Variants in ATP10B observed in about 807,000 individuals in gnomAD.
ATP10B encodes phospholipid-transporting ATPase VB.
ATP10B carries 122 observed loss-of-function variants against 141.2 expected under a neutral mutation model. That is an observed-to-expected ratio of 0.86 (90% CI 0.75 to 1.00). ATP10B has a LOEUF of 1.00. Ranked by LOEUF, ATP10B falls within the 50% of genes least tolerant of loss-of-function variation. The pLI is 0.00. For synonymous variants in ATP10B, 685 were observed against 692.0 expected (o/e 0.99, Z 0.16); for missense variants, 1,876 against 1,825.3 (o/e 1.03, Z -0.51).
intron 7 of ATP10B, among the ~76,000 whole-genome samples, chr5:160,652,426 G>A (rs1760808546): frequency 7.3e-6 from 1 of 136,248 alleles, no homozygotes; most frequent in African/African-American, 2.9e-5. Context: ...AACCTGTCAG[G>A]GTTCTTATTT....
At chr5:160,881,624 A>G in the ATP10B span, among the ~76,000 whole-genome samples, 9 of 152,216 alleles carry the variant, frequency 5.9e-5, no homozygotes, top group African/African-American at 2.2e-4. Context: ...CATCCTGGCT[A>G]ACACGGTGAA....
At chr5:160,638,309 A>T (rs1421961) in intron 10 of ATP10B, among the ~76,000 whole-genome samples, 117,565 of 152,016 alleles carry the variant, frequency 0.77, 46,146 homozygotes, top group Middle Eastern at 0.85. Context: ...CCTGTGCCTT[A>T]TCTTGTCCTG....
intron 16 of ATP10B, 125 bp from the exon 17 acceptor site, chr5:160,616,089 T>A (rs1757981039): frequency 9.8e-7 from 1 of 1,025,424 alleles, no homozygotes; most frequent in Admixed American, 3.4e-5. Flanking sequence ...AGATGGGGCT[T>A]TCTTCTCAAA....
chr5:160,693,708 C>CTGT (rs1420557364), intron 3 of ATP10B, among the ~76,000 whole-genome samples: 1 of 152,148 alleles, frequency 6.6e-6, no homozygotes, highest in African/African-American at 2.4e-5. Context: ...TGGGATGAAA[C>CTGT]TGTTCCACCT....
the ATP10B span, among the ~76,000 whole-genome samples, chr5:160,895,077 C>T: frequency 4.2e-4 from 64 of 152,268 alleles, no homozygotes; most frequent in Non-Finnish European, 6.6e-4. Context: ...AAAGTAACAA[C>T]CGGTACCAGC....
chr5:160,928,370 G>T, the ATP10B span, among the ~76,000 whole-genome samples: 1 of 152,158 alleles, frequency 6.6e-6, no homozygotes, highest in African/African-American at 2.4e-5. Context: ...ATTGAGCATG[G>T]TCACTGGGGA....
At chr5:160,659,661 A>C (rs918331724) in intron 7 of ATP10B, among the ~76,000 whole-genome samples, 1 of 151,916 alleles carries the variant, frequency 6.6e-6, no homozygotes, top group Non-Finnish European at 1.5e-5. Context: ...CAAGTAGAAG[A>C]CTGGAGGAGA....
intron 3 of ATP10B, among the ~76,000 whole-genome samples, chr5:160,703,525 T>C: frequency 6.6e-6 from 1 of 151,838 alleles, no homozygotes; most frequent in East Asian, 1.9e-4. Flanking sequence ...TCACTCAGGC[T>C]GGAGTGCATG....
intron 2 of ATP10B, among the ~76,000 whole-genome samples, chr5:160,767,140 C>T (rs1769508328): frequency 6.6e-6 from 1 of 152,152 alleles, no homozygotes; most frequent in African/African-American, 2.4e-5. Flanking sequence ...AAAAAAAATC[C>T]CATAGTGTTT....
Position 160,565,366 on chromosome 5 carries a change from T to G in ATP10B, c.*87A>C. The G allele has an allele frequency of 7.6e-7, 1 of 1,322,964 alleles. No homozygotes were observed. The highest frequency in any genetic ancestry group is 1.1e-6 in the Non-Finnish European group (1 of 943,950). 82.0% of individuals were successfully genotyped at this position (1,322,964 alleles called of 1,614,324 possible). A position where few individuals can be genotyped will look rare whatever the true frequency, so the allele number is the denominator to read the frequency against. On this transcript the variant is annotated 3_prime_UTR_variant, in exon 26 of 26. Coordinates refer to ENST00000327245, the MANE Select transcript of ATP10B (RefSeq NM_025153.3). ...GAAAAGAATAAGACTGGCACATTGT[T>G]TCCTCTATGAAGAAGAAGGGGTCAA...
chr5:160,717,251 A>G (rs1447727834), intron 2 of ATP10B, among the ~76,000 whole-genome samples: 2 of 152,250 alleles, frequency 1.3e-5, no homozygotes, highest in Non-Finnish European at 2.9e-5. Flanking sequence ...GGAGGAGAAT[A>G]CACAATAAAC....
the ATP10B span, among the ~76,000 whole-genome samples, chr5:160,907,041 T>C: frequency 6.6e-6 from 1 of 152,188 alleles, no homozygotes; most frequent in African/African-American, 2.4e-5. Flanking sequence ...AAGAACAACC[T>C]CTTTCCTGTG....
chr5:160,863,526 A>G, the ATP10B span, among the ~76,000 whole-genome samples: 1 of 152,048 alleles, frequency 6.6e-6, no homozygotes, highest in African/African-American at 2.4e-5. Flanking sequence ...GCATAAATAG[A>G]CAACCTAATC....
At chr5:160,741,304 C>T (rs533388166) in intron 2 of ATP10B, among the ~76,000 whole-genome samples, 1 of 152,352 alleles carries the variant, frequency 6.6e-6, no homozygotes, top group East Asian at 1.9e-4. Context: ...TGATGCCTCT[C>T]ATTTTGTTAA....
intron 1 of ATP10B, among the ~76,000 whole-genome samples, chr5:160,829,596 T>A (rs368507287): frequency 2.0e-5 from 3 of 152,018 alleles, no homozygotes; most frequent in African/African-American, 7.2e-5. Context: ...AATCCATGAG[T>A]ACGTAACATT....
At chr5:160,885,315 C>T in the ATP10B span, among the ~76,000 whole-genome samples, 1 of 152,198 alleles carries the variant, frequency 6.6e-6, no homozygotes, top group African/African-American at 2.4e-5. Flanking sequence ...GAAGGCAGCA[C>T]CCTGCATGGC....
chr5:160,705,114 T>C (rs1054582503), intron 3 of ATP10B, among the ~76,000 whole-genome samples: 6 of 151,590 alleles, frequency 4.0e-5, no homozygotes, highest in African/African-American at 1.5e-4. Flanking sequence ...GAGACGGGGT[T>C]TCACTGTGTT....
chr5:160,811,346 T>C (rs1272545492), intron 1 of ATP10B, among the ~76,000 whole-genome samples: 1 of 152,172 alleles, frequency 6.6e-6, no homozygotes, highest in Non-Finnish European at 1.5e-5. Flanking sequence ...CCAGCTCAGC[T>C]ACAGGGGAGT....
the ATP10B span, among the ~76,000 whole-genome samples, chr5:160,897,790 A>T: frequency 1.3e-5 from 2 of 152,358 alleles, no homozygotes; most frequent in East Asian, 3.9e-4. Context: ...ACTTCAAACT[A>T]TACTACAAGG....
Sources: allele counts gnomAD v4.1 joint callset (sites outside exome capture counted in the v4.1 genomes callset), GRCh38; gene constraint gnomAD v4.1.1; transcripts MANE v1.5; gene names NCBI Gene and HGNC (gene_info 2026-07-23, HGNC 2026-07-21).